Variants in RYR2 observed in about 807,000 individuals in gnomAD.
RYR2 encodes cardiac muscle ryanodine receptor-calcium release channel.
Under a neutral mutation model 601.1 loss-of-function variants are expected in RYR2, and 227 were observed. That is an observed-to-expected ratio of 0.38 (90% CI 0.34 to 0.42). RYR2 has a LOEUF of 0.42. RYR2 is among the 10% of genes least tolerant of loss of function. The pLI, the probability that RYR2 is intolerant of heterozygous loss-of-function variation, is 1.00. For missense variants in RYR2, 4,646 were observed against 6,156.5 expected (o/e 0.75, Z 8.21); for synonymous variants, 2,223 against 2,175.1 (o/e 1.02, Z -0.61).
chr1:237,480,510 A>G (rs1446024110), intron 17 of RYR2, among the ~76,000 whole-genome samples: 2 of 152,046 alleles, frequency 1.3e-5, no homozygotes, highest in Non-Finnish European at 2.9e-5. Flanking sequence ...AAATTCTAAT[A>G]CCGTTACTTG....
At chr1:237,457,331 T>C (rs1658959889) in intron 16 of RYR2, among the ~76,000 whole-genome samples, 2 of 152,138 alleles carry the variant, frequency 1.3e-5, no homozygotes, top group Admixed American at 1.3e-4. Flanking sequence ...GTTGCTGTGG[T>C]TTACCCTGCA....
At chr1:237,273,255 AC>A (rs1689891651) in intron 2 of RYR2, among the ~76,000 whole-genome samples, 1 of 152,094 alleles carries the variant, frequency 6.6e-6, no homozygotes, top group South Asian at 2.1e-4. Flanking sequence ...TGTGCAGTTC[AC>A]AATAGGGTTT....
At chr1:237,522,586 G>A (rs1348365803) in intron 24 of RYR2, among the ~76,000 whole-genome samples, 3 of 152,112 alleles carry the variant, frequency 2.0e-5, no homozygotes, top group Admixed American at 6.5e-5. Flanking sequence ...CCGACCATAT[G>A]TTTCATGACA....
intron 35 of RYR2, among the ~76,000 whole-genome samples, chr1:237,609,942 C>T (rs1376268974): frequency 1.3e-5 from 2 of 151,968 alleles, no homozygotes; most frequent in Non-Finnish European, 2.9e-5. Context: ...TTGGTTTTTC[C>T]CCGCCTATTG....
chr1:237,103,817 C>A (rs1306260285), intron 1 of RYR2, among the ~76,000 whole-genome samples: 1 of 152,228 alleles, frequency 6.6e-6, no homozygotes, highest in African/African-American at 2.4e-5. Flanking sequence ...GGTCCACCCG[C>A]CTCGGCCTCC....
intron 1 of RYR2, among the ~76,000 whole-genome samples, chr1:237,121,697 C>G (rs1209777899): frequency 2.0e-5 from 3 of 152,130 alleles, no homozygotes; most frequent in African/African-American, 7.2e-5. Flanking sequence ...AGGTGACACC[C>G]TAGACTGATA....
intron 40 of RYR2, 66 bp downstream of exon 40, chr1:237,625,870 G>A (rs1003549883): frequency 3.2e-6 from 5 of 1,553,088 alleles, no homozygotes; most frequent in Non-Finnish European, 4.4e-6. Context: ...TCCTTTGAAC[G>A]AATGTTTTAC....
chr1:237,340,753 A>C (rs905440638), intron 3 of RYR2, among the ~76,000 whole-genome samples: 4 of 152,234 alleles, frequency 2.6e-5, no homozygotes, highest in African/African-American at 9.6e-5. Flanking sequence ...TTTAGCCAGC[A>C]TCTTGTCCAA....
chr1:237,706,594 T>TG (rs778275455), intron 67 of RYR2, among the ~76,000 whole-genome samples: 3 of 151,880 alleles, frequency 2.0e-5, no homozygotes, highest in Non-Finnish European at 4.4e-5. Context: ...GAGCCGTGAG[T>TG]GGGGGACTTC....
chr1:237,702,661 T>G (rs573252881), intron 66 of RYR2, among the ~76,000 whole-genome samples: 3 of 152,182 alleles, frequency 2.0e-5, no homozygotes, highest in African/African-American at 7.2e-5. Flanking sequence ...AACCTGTAAT[T>G]ACAGTACAAT....
At chr1:237,448,856 A>T (rs970818059) in intron 14 of RYR2, among the ~76,000 whole-genome samples, 1 of 149,630 alleles carries the variant, frequency 6.7e-6, no homozygotes, top group East Asian at 2.0e-4. Flanking sequence ...ACCTCTTTGT[A>T]TCTTTACATT....
intron 17 of RYR2, among the ~76,000 whole-genome samples, chr1:237,474,225 CTATACATATATATGTATAGATA>C (rs1030045126): frequency 4.1e-5 from 3 of 73,058 alleles, no homozygotes; most frequent in Non-Finnish European, 1.1e-4. Context: ...GTGTGTAGAT[CTATACATATATATGTATAGATA>C]TATACATATG....
At position 237,301,712 on chromosome 1, in the gene RYR2, T is replaced by C. The variant is rs925587470; in HGVS notation, c.169-29166T>C. 2.0e-5 allele frequency among the ~76,000 whole-genome samples: 3 copies of C among 152,210 alleles called. No individual in the cohort carries two copies. The East Asian group carries it at 5.8e-4, about 29-fold the overall frequency. On this transcript the variant is annotated intron_variant, in intron 2 of 104. Transcript: ENST00000366574. ...AAAGCAATCTAATAATGACTTTAGA[T>C]CTGTAGTCTATCCAGAGTTAAAGTG...
intron 62 of RYR2, among the ~76,000 whole-genome samples, chr1:237,682,867 C>T (rs556686511): frequency 5.6e-4 from 85 of 152,192 alleles, no homozygotes; most frequent in Non-Finnish European, 7.5e-4. Flanking sequence ...TATGTTATTA[C>T]AGTACTTTAG....
chr1:237,298,508 TTATTC>T lies in RYR2; in HGVS notation c.168+27895_168+27899del, dbSNP rs564313745. On this transcript the variant is annotated intron_variant, in intron 2 of 104. Transcript: ENST00000366574. ...ATACACAGTTTTTATTGTTTTCAAA[TTATTC>T]TAAATTCTTTAATCCTCTTTACTTA... Among the ~76,000 whole-genome samples, 364 of 152,286 alleles carry T rather than the reference TTATTC, an allele frequency of 2.4e-3. 1 individual carries two copies. The highest frequency in any genetic ancestry group is 8.2e-3 in the African/African-American group (340 of 41,548).
At chr1:237,761,391 A>C (rs542759558) in intron 84 of RYR2, among the ~76,000 whole-genome samples, 1 of 152,162 alleles carries the variant, frequency 6.6e-6, no homozygotes, top group Admixed American at 6.6e-5. Context: ...CCACTTTAGC[A>C]AAGTCGGGCT....
chr1:237,629,957 G>T (rs558372582), intron 41 of RYR2, among the ~76,000 whole-genome samples: 20 of 152,196 alleles, frequency 1.3e-4, no homozygotes, highest in Admixed American at 3.3e-4. Context: ...GCAAATATTA[G>T]AGTCTTTATA....
intron 34 of RYR2, among the ~76,000 whole-genome samples, chr1:237,599,587 G>GA (rs1676267284): frequency 6.6e-6 from 1 of 152,042 alleles, no homozygotes; most frequent in Non-Finnish European, 1.5e-5. Flanking sequence ...TTGGGAGGCC[G>GA]AGGCGGGTGG....
chr1:237,627,744 A>G, intron 40 of RYR2, 63 bp from the exon 41 acceptor site: 1 of 1,465,866 alleles, frequency 6.8e-7, no homozygotes, highest in Non-Finnish European at 9.1e-7. Context: ...ATGGACTTGA[A>G]ATGTCCAACT....
Sources: allele counts gnomAD v4.1 joint callset (sites outside exome capture counted in the v4.1 genomes callset), GRCh38; gene constraint gnomAD v4.1.1; transcripts MANE v1.5; gene names NCBI Gene and HGNC (gene_info 2026-07-23, HGNC 2026-07-21).